The following KRT20 variants were observed in gnomAD, a reference collection of about 807,000 sequenced individuals.
The protein encoded by KRT20 is keratin, type I cytoskeletal 20.
A neutral mutation model predicts 43.0 loss-of-function variants in KRT20; 41 were observed. The ratio of observed to expected loss-of-function variants is 0.95; its 90% CI spans 0.74 to 1.24. The LOEUF (loss-of-function observed/expected upper bound fraction) is 1.24, where lower values mean the gene tolerates loss of function less well. Among genes scored for constraint, KRT20 ranks in the 50% most tolerant of loss-of-function variants. KRT20 has a pLI of 0.00. For synonymous variants in KRT20, 207 were observed against 200.6 expected (o/e 1.03, Z -0.27); for missense variants, 533 against 521.2 (o/e 1.02, Z -0.22).
Position 40,876,236 on chromosome 17 carries a change from A to C in KRT20, c.*125T>G. On this transcript the variant is annotated 3_prime_UTR_variant, in exon 8 of 8. Transcript: ENST00000167588. ...TGATAAATAGGATTCCCGCCACCCC[A>C]CCCCTTCTAATCACTGCAGAGTATT... 4 of 549,680 alleles carry C rather than the reference A, an allele frequency of 7.3e-6. No individual in the cohort carries two copies. Among genetic ancestry groups the C allele is most frequent in the Admixed American group, 2.9e-5 (1 of 34,824 alleles). 34.1% of individuals were successfully genotyped at this position (549,680 alleles called of 1,614,324 possible).
At chr17:40,879,318 C>T (rs1414654376) in intron 5 of KRT20, among the ~76,000 whole-genome samples, 1 of 152,222 alleles carries the variant, frequency 6.6e-6, no homozygotes, top group South Asian at 2.1e-4. Flanking sequence ...AGTCCATTCT[C>T]CATCTTAAAA....
intron 2 of KRT20, chr17:40,882,370 G>C: frequency 3.5e-6 from 1 of 289,060 alleles, no homozygotes; most frequent in East Asian, 5.8e-5. Context: ...TTAGTTACAT[G>C]CCGGGGGATC....
intron 6 of KRT20, 55 bp from the exon 7 acceptor site, chr17:40,877,472 C>T: frequency 3.4e-6 from 4 of 1,192,194 alleles, no homozygotes; most frequent in Non-Finnish European, 4.6e-6. Flanking sequence ...AGCATTATTG[C>T]TGTTTTGAAA....
chr17:40,880,086 A>G lies in KRT20; in HGVS notation c.792+14T>C. 1 of 1,609,218 alleles carries G rather than the reference A, an allele frequency of 6.2e-7. No individual in the cohort carries two copies. The highest frequency in any genetic ancestry group is 8.5e-7 in the Non-Finnish European group (1 of 1,176,944). On this transcript the variant is annotated intron_variant, in intron 4 of 7. Transcript: ENST00000167588. ...ATCTACACGTTTGCTCACCCTTTAGAATTGTGTGGTTACCTGTCTCTCAAA... is the reference window on the plus strand; with the variant it reads ...ATCTACACGTTTGCTCACCCTTTAGGATTGTGTGGTTACCTGTCTCTCAAA...
chr17:40,878,085 A>T (rs1230925247), intron 6 of KRT20, 60 bp downstream of exon 6: 4 of 1,339,958 alleles, frequency 3.0e-6, no homozygotes, highest in Non-Finnish European at 4.3e-6. Context: ...AGTGACAGGG[A>T]CATTAAAATA....
At position 40,884,814 on chromosome 17, in the gene KRT20, A is replaced by C; in HGVS notation, c.372T>G (p.Ile124Met). Reference protein sequence around the residue: ...GRDYSAYYRQIEELRSQIKDA... With the variant: ...GRDYSAYYRQMEELRSQIKDA... ...CTCTCACCTGACTTCGCAGCTCTTCAATTTGTCTGTAATATGCACTGTAGT... is the reference window on the plus strand; with the variant it reads ...CTCTCACCTGACTTCGCAGCTCTTCCATTTGTCTGTAATATGCACTGTAGT... The change falls in exon 1 of 8, where the codon ATT (isoleucine) becomes ATG (methionine). Residue 124 changes from isoleucine to methionine, a missense_variant. Coordinates refer to ENST00000167588, the MANE Select transcript of KRT20 (RefSeq NM_019010.3). 1 of 1,612,674 alleles carries C rather than the reference A, an allele frequency of 6.2e-7. No homozygotes were observed. Among genetic ancestry groups the C allele is most frequent in the South Asian group, 1.1e-5 (1 of 90,998 alleles).
At chr17:40,878,977 T>A (rs748296176) in intron 5 of KRT20, among the ~76,000 whole-genome samples, 6 of 152,128 alleles carry the variant, frequency 3.9e-5, no homozygotes, top group Non-Finnish European at 5.9e-5. Context: ...TATTTTTGTA[T>A]CTTTAGTAGA....
rs1470684669 is a variant in KRT20 at position 40,878,190 on chromosome 17, T to C, written c.1094A>G (p.Gln365Arg). ...AAGGCGGCGGTAAGTAGCAATTTCC[T>C]GTTCAAGTCGAGTCTTTATGTCAAG... ...ILLDIKTRLE[Q>R]EIATYRRLLE... The change falls in exon 6 of 8, where the codon CAG becomes CGG. Residue 365 changes from glutamine (Q) to arginine (R), a missense_variant. By Grantham distance (43) the Gln-to-Arg change is conservative. Transcript: ENST00000167588. The C allele has an allele frequency of 6.8e-6, 11 of 1,614,010 alleles. No homozygotes were observed. Among genetic ancestry groups the C allele is most frequent in the Non-Finnish European group, 9.3e-6 (11 of 1,180,028 alleles).
Position 40,879,879 on chromosome 17 carries a change from A to G in KRT20, c.852T>C (p.Val284=), listed in dbSNP as rs1175654690. Residue 284 remains valine (V), a synonymous_variant, in exon 5 of 8, where the codon GTT becomes GTC. Coordinates refer to ENST00000167588, the MANE Select transcript of KRT20 (RefSeq NM_019010.3). The part of the protein sequence containing the change: ...VNTEELKGTE[V]QLTELRRTSQ... ...AGGTGCGTCTCAGCTCCGTTAGTTG[A>G]ACCTCAGTTCCTTTTAATTCTTCAG... is the stretch of plus-strand genomic sequence containing the variant. 6.2e-7 allele frequency: 1 copy of G among 1,613,672 alleles called. No individual in the cohort carries two copies. The highest frequency in any genetic ancestry group is 1.7e-5 in the Admixed American group (1 of 59,896).
At chr17:40,878,479 G>T in intron 5 of KRT20, 114 bp from the exon 6 acceptor site, 1 of 758,732 alleles carries the variant, frequency 1.3e-6, no homozygotes. Flanking sequence ...TGGGCATGGT[G>T]TATATTTCTA....
At chr17:40,884,042 T>G (rs1907707033) in intron 1 of KRT20, among the ~76,000 whole-genome samples, 1 of 152,266 alleles carries the variant, frequency 6.6e-6, no homozygotes. Context: ...TTGAAGCAAG[T>G]GCTCTGTGTC....
chr17:40,883,960 T>G (rs1283616795), intron 1 of KRT20, among the ~76,000 whole-genome samples: 1 of 152,224 alleles, frequency 6.6e-6, no homozygotes. Flanking sequence ...TAAATGCGCT[T>G]TGCTCTAAAG....
chr17:40,882,493 A>C, intron 2 of KRT20, 79 bp downstream of exon 2: 1 of 625,312 alleles, frequency 1.6e-6, no homozygotes, highest in Non-Finnish European at 2.6e-6. Flanking sequence ...ATCAACAATG[A>C]TATGGAAAGC....
intron 5 of KRT20, 146 bp downstream of exon 5, chr17:40,879,667 T>C (rs1463321494): frequency 1.6e-5 from 13 of 806,796 alleles, no homozygotes; most frequent in Non-Finnish European, 2.3e-5. Context: ...TGTCCTTTAA[T>C]TATAATCAGT....
At chr17:40,884,189 A>G (rs1195631747) in intron 1 of KRT20, among the ~76,000 whole-genome samples, 1 of 152,142 alleles carries the variant, frequency 6.6e-6, no homozygotes, top group African/African-American at 2.4e-5. Context: ...ATTGGGGGCA[A>G]TAGAACATTT....
Position 40,885,134 on chromosome 17 carries a change from C to T in KRT20, c.52G>A (p.Ala18Thr). Residue 18 changes from alanine to threonine, a missense_variant, in exon 1 of 8, where the codon GCC (alanine) becomes ACC (threonine). Transcript: ENST00000167588. ...ATGCCCACTGTACTGACTACAGGGG[C>T]CTGCAAGGAGGAGCTCAGGCTTCTG... is the stretch of plus-strand genomic sequence containing the variant. ...FHRSLSSSLQ[A>T]PVVSTVGMQR... 1 of 1,612,404 alleles carries T rather than the reference C, an allele frequency of 6.2e-7. No homozygotes were observed. Among genetic ancestry groups the T allele is most frequent in the Non-Finnish European group, 8.5e-7 (1 of 1,179,338 alleles).
intron 6 of KRT20, 21 bp downstream of exon 6, chr17:40,878,124 C>T (rs1374475720): frequency 1.3e-6 from 2 of 1,589,718 alleles, no homozygotes; most frequent in Admixed American, 1.7e-5. Flanking sequence ...GACACCTATT[C>T]CTTGATTCTA....
intron 5 of KRT20, among the ~76,000 whole-genome samples, chr17:40,879,580 C>T (rs1384167495): frequency 6.6e-6 from 1 of 152,068 alleles, no homozygotes; most frequent in Non-Finnish European, 1.5e-5. Flanking sequence ...TTAAATGCCA[C>T]TTTCCCTGTG....
chr17:40,880,484 C>T, intron 3 of KRT20, 130 bp downstream of exon 3: 1 of 839,542 alleles, frequency 1.2e-6, no homozygotes, highest in East Asian at 2.6e-5. Context: ...TCATTATTGT[C>T]ATCGTCATCA....
Sources: gnomAD v4.1 joint callset for allele counts (sites outside exome capture counted in the v4.1 genomes callset) on GRCh38, gnomAD v4.1.1 for gene constraint, MANE v1.5 for transcripts, NCBI Gene and HGNC (gene_info 2026-07-23, HGNC 2026-07-21) for gene names.